Variants in NLRP4 observed in about 807,000 individuals in gnomAD.
NLRP4 encodes NACHT, LRR and PYD domains-containing protein 4.
A neutral mutation model predicts 84.7 loss-of-function variants in NLRP4; 44 were observed. The ratio of observed to expected loss-of-function variants is 0.52; its 90% confidence interval spans 0.41 to 0.67. NLRP4 has a LOEUF of 0.67. Among genes scored for constraint, NLRP4 ranks in the 30% least tolerant of loss-of-function variants. NLRP4 has a pLI of 0.00. For missense variants in NLRP4, 1,260 were observed against 1,219.4 expected (o/e 1.03, Z -0.50); for synonymous variants, 544 against 476.4 (o/e 1.14, Z -1.85).
intron 7 of NLRP4, 142 bp from the exon 8 acceptor site, chr19:55,876,854 C>T: frequency 1.7e-6 from 1 of 604,984 alleles, no homozygotes; most frequent in Non-Finnish European, 3.0e-6. Context: ...TTCAATCTGC[C>T]ACTAGTTGAA....
intron 1 of NLRP4, among the ~76,000 whole-genome samples, chr19:55,850,768 T>C (rs76135366): frequency 0.75 from 27,950 of 37,188 alleles, 12,272 homozygotes; most frequent in East Asian, 0.89. Context: ...CGGTGTAATT[T>C]CCGAGGCTGC....
chr19:55,872,802 A>G (rs547669635), intron 7 of NLRP4, among the ~76,000 whole-genome samples: 9 of 152,328 alleles, frequency 5.9e-5, no homozygotes, highest in African/African-American at 1.2e-4. Context: ...AAAGATTCCA[A>G]TTCAGATTCA....
intron 2 of NLRP4, among the ~76,000 whole-genome samples, chr19:55,853,883 A>G (rs945283484): frequency 6.1e-5 from 5 of 81,650 alleles, no homozygotes; most frequent in East Asian, 3.4e-4. Context: ...CTCTCTTGCT[A>G]TCTCTTTCTC....
rs35115500 is a variant in NLRP4, at chr19:55,857,325, ATGTGTGTGTG to A, written c.281-325_281-316del. On this transcript the variant is annotated intron_variant, in intron 2 of 9. Coordinates refer to ENST00000301295, the MANE Select transcript of NLRP4 (RefSeq NM_134444.5). ...GTCAAACTTTACGTAGTAGCAATGA[ATGTGTGTGTG>A]TGTGTGTGTGTGTGTGTGTGTGTCT... 1.0e-4 allele frequency: 28 copies of A among 272,746 alleles called. 1 individual carries two copies. Among genetic ancestry groups the A allele is most frequent in the African/African-American group, 3.5e-4 (15 of 43,420 alleles). 16.9% of individuals were successfully genotyped at this position (272,746 alleles called of 1,614,324 possible).
chr19:55,881,217 G>A (rs932435383), intron 9 of NLRP4, among the ~76,000 whole-genome samples: 1 of 149,728 alleles, frequency 6.7e-6, no homozygotes, highest in Non-Finnish European at 1.5e-5. Flanking sequence ...GCTCAAAATT[G>A]GCCATGATTG....
At chr19:55,849,991 GAGAC>G (rs1983985684) in intron 1 of NLRP4, among the ~76,000 whole-genome samples, 1 of 24,120 alleles carries the variant, frequency 4.1e-5, no homozygotes, top group African/African-American at 6.7e-5. Flanking sequence ...TGTAATTTCC[GAGAC>G]TGCGGTGTGA....
chr19:55,839,636 G>A (rs1983532521), intron 1 of NLRP4, among the ~76,000 whole-genome samples: 1 of 152,140 alleles, frequency 6.6e-6, no homozygotes, highest in Non-Finnish European at 1.5e-5. Context: ...ATGTAGTGGT[G>A]TCTTCTGTTT....
At chr19:55,873,879 A>G (rs950804485) in intron 7 of NLRP4, among the ~76,000 whole-genome samples, 3 of 152,192 alleles carry the variant, frequency 2.0e-5, no homozygotes, top group African/African-American at 7.2e-5. Context: ...ATATGTTGAA[A>G]TGAAAAAGGA....
intron 2 of NLRP4, among the ~76,000 whole-genome samples, chr19:55,856,012 T>G (rs1984395522): frequency 6.6e-6 from 1 of 152,228 alleles, no homozygotes; most frequent in Non-Finnish European, 1.5e-5. Context: ...GTTTTAGTTT[T>G]CGAGACAGTC....
chr19:55,845,017 G>C (rs1325773714), intron 1 of NLRP4, among the ~76,000 whole-genome samples: 1 of 152,066 alleles, frequency 6.6e-6, no homozygotes, highest in East Asian at 1.9e-4. Flanking sequence ...CCTGTGGCAA[G>C]AGGCTACACT....
rs577696921 is a variant in NLRP4, at chr19:55,849,991, G to A, written c.-65-2025G>A. Reference sequence around the variant, plus strand: ...TTTCCGTAGCTGCGGTGTAATTTCCGAGACTGCGGTGTGATTTCCGAGACT... The same window carrying A: ...TTTCCGTAGCTGCGGTGTAATTTCCAAGACTGCGGTGTGATTTCCGAGACT... On this transcript the variant is annotated intron_variant, in intron 1 of 9. Coordinates refer to ENST00000301295, the MANE Select transcript of NLRP4 (RefSeq NM_134444.5). Among the ~76,000 whole-genome samples the A allele has an allele frequency of 4.6e-3, 111 of 24,188 alleles. 10 individuals carry two copies. The highest frequency in any genetic ancestry group is 7.6e-3 in the Admixed American group (9 of 1,182). 15.9% of individuals were successfully genotyped at this position (24,188 alleles called of 152,430 possible).
intron 5 of NLRP4, among the ~76,000 whole-genome samples, chr19:55,865,867 G>A (rs1984934110): frequency 6.6e-6 from 1 of 152,126 alleles, no homozygotes; most frequent in South Asian, 2.1e-4. Context: ...GCCATTCTGT[G>A]AGTTGTCGTT....
chr19:55,851,132 A>AATGTCCGT (rs1377714884), intron 1 of NLRP4, among the ~76,000 whole-genome samples: 1 of 53,696 alleles, frequency 1.9e-5, no homozygotes, highest in African/African-American at 1.9e-4. Context: ...GTAATGTCCG[A>AATGTCCGT]GGCTGCGGTG....
At chr19:55,860,471 G>A (rs1285983554) in intron 3 of NLRP4, among the ~76,000 whole-genome samples, 2 of 152,124 alleles carry the variant, frequency 1.3e-5, no homozygotes, top group African/African-American at 4.8e-5. Context: ...AGCTACTTGA[G>A]GGAGGCTGAA....
chr19:55,858,850 C>T lies in NLRP4; in HGVS notation c.1457C>T (p.Ala486Val). ...AVRCVQELLV[A>V]NFEKARRAHW... ...AGATGTGTACAGGAATTGCTAGTTG[C>T]CAATTTTGAAAAAGCAAGGAGAGCA... The change falls in exon 3 of 10, where the codon GCC becomes GTC. Residue 486 changes from alanine to valine, a missense_variant. By Grantham distance (64) the Ala-to-Val change is moderately conservative (BLOSUM62 0). Around this residue, in one of 3 missense-constraint regions of NLRP4, gnomAD observed 712 missense variants for 669.2 expected, o/e 1.06. Coordinates refer to ENST00000301295, the MANE Select transcript of NLRP4 (RefSeq NM_134444.5). The surrounding 1 kb of genome is among the most constrained non-coding windows in gnomAD (Gnocchi z 4.2). 1 of 1,614,060 alleles carries T rather than the reference C, an allele frequency of 6.2e-7. No individual in the cohort carries two copies. The highest frequency in any genetic ancestry group is 8.5e-7 in the Non-Finnish European group (1 of 1,179,978).
chr19:55,851,967 T>C (rs1019028362), intron 1 of NLRP4, 49 bp from the exon 2 acceptor site: 2 of 783,928 alleles, frequency 2.6e-6, no homozygotes, highest in Non-Finnish European at 4.3e-6. Flanking sequence ...AATGGTAATC[T>C]TGATCCATTT....
intron 7 of NLRP4, among the ~76,000 whole-genome samples, chr19:55,874,600 A>G (rs567934604): frequency 6.6e-6 from 1 of 152,310 alleles, no homozygotes; most frequent in South Asian, 2.1e-4. Flanking sequence ...AAGAAAAATG[A>G]ATCAGTCAAA....
At position 55,859,361 on chromosome 19, in the gene NLRP4, T is replaced by A. The variant is rs1019256349; in HGVS notation, c.1856+112T>A. On this transcript the variant is annotated intron_variant, in intron 3 of 9. Transcript: ENST00000301295. ...ATCATGGTTAGAAACTCATTTTTTC[T>A]GCCACAAAACCTCAGCTCACATCCT... 14 of 859,980 alleles carry A rather than the reference T, an allele frequency of 1.6e-5. No homozygotes were observed. The African/African-American group carries it at 1.7e-4, about 10-fold the overall frequency. 53.3% of individuals were successfully genotyped at this position (859,980 alleles called of 1,614,324 possible).
Position 55,870,956 on chromosome 19 carries a change from C to T in NLRP4, c.2484C>T (p.Cys828=), listed in dbSNP as rs373707796. 21 of 1,614,142 alleles carry T rather than the reference C, an allele frequency of 1.3e-5. No individual in the cohort carries two copies. Among genetic ancestry groups the T allele is most frequent in the East Asian group, 4.5e-5 (2 of 44,882 alleles). ...VLKDEGLKTL[C]EALKHPDCCL... is the part of the protein sequence containing the mutation. The stretch of plus-strand genomic sequence containing the variant: ...AGGACGAAGGACTGAAAACTCTCTG[C>T]GAGGCCTTGAAACATCCGGACTGCT... The change falls in exon 7 of 10, where the codon TGC becomes TGT. Residue 828 remains cysteine, a synonymous_variant. Transcript: ENST00000301295.
Sources: allele counts gnomAD v4.1 joint callset (sites outside exome capture counted in the v4.1 genomes callset), GRCh38; gene constraint gnomAD v4.1.1; regional missense constraint gnomAD v4.1.1; non-coding constraint Gnocchi (gnomAD v3.1); transcripts MANE v1.5; gene names NCBI Gene and HGNC (gene_info 2026-07-23, HGNC 2026-07-21).